The following SRBD1 variants were observed in gnomAD, a reference collection of about 807,000 sequenced individuals.
SRBD1 encodes the protein S1 RNA binding domain 1.
SRBD1 carries 88 observed loss-of-function variants against 115.3 expected under a neutral mutation model. The observed-to-expected ratio is 0.76, with a 90% CI of 0.64 to 0.91. The LOEUF is 0.91. Among genes scored for constraint, SRBD1 ranks in the 40% least tolerant of loss-of-function variants. The probability of loss-of-function intolerance (pLI) is 0.00; values close to 1 mark genes in which losing one functional copy is unlikely to be tolerated. For missense variants in SRBD1, 1,385 were observed against 1,177.4 expected, an observed-to-expected ratio of 1.18 and a Z score of -2.58; for synonymous variants, 509 against 407.7, an observed-to-expected ratio of 1.25 and a Z score of -2.99.
At chr2:45,422,885 G>C (rs1353465791) in intron 16 of SRBD1, among the ~76,000 whole-genome samples, 1 of 152,088 alleles carries the variant, frequency 6.6e-6, no homozygotes, top group African/African-American at 2.4e-5. Flanking sequence ...TCCTTAAAAT[G>C]AATCACTCTA....
At chr2:45,506,573 A>T (rs1333625721) in intron 14 of SRBD1, among the ~76,000 whole-genome samples, 1 of 152,076 alleles carries the variant, frequency 6.6e-6, no homozygotes, top group African/African-American at 2.4e-5. Flanking sequence ...TTTCACACTA[A>T]ATCAGCCCAG....
At position 45,573,356 on chromosome 2, in the gene SRBD1, C is replaced by CA; in HGVS notation, c.1170-15dup. Reference sequence around the variant, plus strand: ...CTCTTCTGGCACCTGTTCAGATACACAAGTGTTCAAAAAACAAGCAGTTAT... The same window carrying CA: ...CTCTTCTGGCACCTGTTCAGATACACAAAGTGTTCAAAAAACAAGCAGTTAT... On this transcript the variant is annotated splice_polypyrimidine_tract_variant and intron_variant, in intron 8 of 20. Coordinates refer to ENST00000263736, the MANE Select transcript of SRBD1 (RefSeq NM_018079.5). 1.9e-6 allele frequency: 3 copies of CA among 1,592,186 alleles called. No homozygotes were observed. In the South Asian group the frequency reaches 3.5e-5, roughly 18 times the overall value.
chr2:45,517,720 C>A (rs913732677), intron 14 of SRBD1, among the ~76,000 whole-genome samples: 2 of 152,050 alleles, frequency 1.3e-5, no homozygotes, highest in Admixed American at 1.3e-4. Context: ...CAAGGCTGGG[C>A]GTGGTGGCTC....
rs375465830 is a variant in SRBD1, at chr2:45,510,050, C to T, written c.1875-21719G>A. On this transcript the variant is annotated intron_variant, in intron 14 of 20. Transcript: ENST00000263736. ...ATGCCCAGCTAGATATTTTTTCAAA[C>T]ACCTATTTCATTTCTAGTTTGGCTA... Among the ~76,000 whole-genome samples the T allele has an allele frequency of 4.6e-5, 7 of 152,310 alleles. 1 individual carries two copies. The highest frequency in any genetic ancestry group is 7.2e-5 in the African/African-American group (3 of 41,570).
intron 14 of SRBD1, among the ~76,000 whole-genome samples, chr2:45,520,154 T>C (rs1671238149): frequency 1.3e-5 from 2 of 152,158 alleles, no homozygotes; most frequent in East Asian, 1.9e-4. Context: ...GTCAGCCAAA[T>C]AGAGTCCAAC....
chr2:45,465,046 C>CACACATAT (rs58921931), intron 16 of SRBD1, among the ~76,000 whole-genome samples: 3 of 141,516 alleles, frequency 2.1e-5, no homozygotes, highest in Admixed American at 1.4e-4. Flanking sequence ...CACACACACA[C>CACACATAT]ACAGAGTCAT....
chr2:45,472,535 A>G (rs1572678365), intron 16 of SRBD1, among the ~76,000 whole-genome samples: 2 of 152,198 alleles, frequency 1.3e-5, no homozygotes, highest in East Asian at 3.8e-4. Flanking sequence ...TGCAGTGGCT[A>G]TGCAAAGGCA....
At chr2:45,566,123 A>C (rs1209197858) in intron 9 of SRBD1, among the ~76,000 whole-genome samples, 1 of 152,248 alleles carries the variant, frequency 6.6e-6, no homozygotes, top group Non-Finnish European at 1.5e-5. Flanking sequence ...GAATGTAAAA[A>C]TGGCATAGCC....
intron 19 of SRBD1, among the ~76,000 whole-genome samples, chr2:45,410,340 T>TC (rs1366348502): frequency 3.9e-5 from 6 of 152,198 alleles, no homozygotes; most frequent in African/African-American, 1.4e-4. Flanking sequence ...AACTGAACTT[T>TC]CATCTACCTC....
At chr2:45,530,801 G>C (rs897759495) in intron 14 of SRBD1, among the ~76,000 whole-genome samples, 1 of 151,960 alleles carries the variant, frequency 6.6e-6, no homozygotes. Flanking sequence ...ATGACAGTAA[G>C]ATGTTCTACT....
chr2:45,420,984 T>C (rs1182497764), intron 16 of SRBD1, among the ~76,000 whole-genome samples: 1 of 152,202 alleles, frequency 6.6e-6, no homozygotes, highest in Non-Finnish European at 1.5e-5. Flanking sequence ...CAGAGGTTAT[T>C]AACAGAAGAC....
chr2:45,455,355 G>A (rs1669120507), intron 16 of SRBD1, among the ~76,000 whole-genome samples: 2 of 151,800 alleles, frequency 1.3e-5, no homozygotes, highest in African/African-American at 2.4e-5. Context: ...ATATGTAATC[G>A]TATTGCAGGT....
At chr2:45,491,517 C>A (rs1670290964) in intron 14 of SRBD1, among the ~76,000 whole-genome samples, 1 of 151,978 alleles carries the variant, frequency 6.6e-6, no homozygotes, top group East Asian at 1.9e-4. Context: ...CTTCAAATTG[C>A]TATAGTTTAG....
chr2:45,440,518 C>A (rs79400183), intron 16 of SRBD1, among the ~76,000 whole-genome samples: 1 of 152,132 alleles, frequency 6.6e-6, no homozygotes, highest in Non-Finnish European at 1.5e-5. Context: ...TATCTGCCCC[C>A]ATGTGTGGTC....
At chr2:45,602,717 T>C (rs908230881) in intron 2 of SRBD1, among the ~76,000 whole-genome samples, 2 of 151,726 alleles carry the variant, frequency 1.3e-5, no homozygotes, top group African/African-American at 2.4e-5. Flanking sequence ...AAAGCAGCCA[T>C]GGGAACTCTT....
intron 19 of SRBD1, among the ~76,000 whole-genome samples, chr2:45,394,478 A>G (rs1667088527): frequency 6.6e-6 from 1 of 152,204 alleles, no homozygotes; most frequent in African/African-American, 2.4e-5. Flanking sequence ...TCCTCTAGGG[A>G]TACCTCTGGA....
chr2:45,522,068 T>C (rs763418693), intron 14 of SRBD1, among the ~76,000 whole-genome samples: 6 of 151,648 alleles, frequency 4.0e-5, no homozygotes, highest in Non-Finnish European at 5.9e-5. Context: ...CTATACACAA[T>C]AGCCAGTAGG....
intron 4 of SRBD1, among the ~76,000 whole-genome samples, chr2:45,594,573 A>T (rs910707822): frequency 1.3e-5 from 2 of 152,242 alleles, no homozygotes; most frequent in Non-Finnish European, 2.9e-5. Context: ...AGGGCTGAAA[A>T]GGAGTAGGTT....
intron 16 of SRBD1, among the ~76,000 whole-genome samples, chr2:45,445,832 A>G (rs1325128610): frequency 6.6e-6 from 1 of 152,184 alleles, no homozygotes; most frequent in African/African-American, 2.4e-5. Context: ...TCCCCAGTAA[A>G]GTTCAACAAA....
Sources: allele counts gnomAD v4.1 joint callset (sites outside exome capture counted in the v4.1 genomes callset), GRCh38; gene constraint gnomAD v4.1.1; transcripts MANE v1.5; gene names NCBI Gene and HGNC (gene_info 2026-07-23, HGNC 2026-07-21).